BOP1: variants seen among roughly 807,000 people sequenced by gnomAD.
The protein encoded by BOP1 is BOP1 ribosomal biogenesis factor.
A neutral mutation model predicts 82.9 loss-of-function variants in BOP1; 54 were observed. The ratio of observed to expected loss-of-function variants is 0.65; its 90% CI spans 0.52 to 0.82. BOP1 has a LOEUF of 0.82. Among genes scored for constraint, BOP1 ranks in the 40% least tolerant of loss-of-function variants. The pLI is 0.00. For synonymous variants in BOP1, 566 were observed against 451.1 expected, an observed-to-expected ratio of 1.25 and a Z score of -3.23; for missense variants, 1,170 against 1,072.0, an observed-to-expected ratio of 1.09 and a Z score of -1.28.
At chr8:144,283,624 CTTTTTA>C (rs1284901929) in intron 2 of BOP1, among the ~76,000 whole-genome samples, 3 of 151,934 alleles carry the variant, frequency 2.0e-5, no homozygotes, top group African/African-American at 7.3e-5. Flanking sequence ...GTGACTCATT[CTTTTTA>C]TTTTTATTTT....
At chr8:144,273,087 G>C (rs1000294916) in intron 3 of BOP1, among the ~76,000 whole-genome samples, 3 of 152,124 alleles carry the variant, frequency 2.0e-5, no homozygotes, top group Non-Finnish European at 1.5e-5. Context: ...GGGGAGGGCC[G>C]TTCGCTCGCC....
At chr8:144,274,810 T>TCCCCCGG in intron 3 of BOP1, among the ~76,000 whole-genome samples, 1 of 152,032 alleles carries the variant, frequency 6.6e-6, no homozygotes, top group Non-Finnish European at 1.5e-5. Flanking sequence ...CCGAGGCCCC[T>TCCCCCGG]CCCCCGGCCT....
intron 2 of BOP1, among the ~76,000 whole-genome samples, chr8:144,278,582 T>G (rs1845611678): frequency 1.3e-5 from 2 of 152,322 alleles, no homozygotes; most frequent in African/African-American, 2.4e-5. Context: ...CTCCCAGGGC[T>G]GCCCACAAGA....
Position 144,262,255 on chromosome 8 carries a change from C to T in BOP1, c.2150G>A (p.Arg717Gln), listed in dbSNP as rs953826050. Reference sequence around the variant, plus strand: ...GATGACGTCCAGCACTCCCAGATCTCGGGTCAGCACGTGTCCCTTCAGCAC... The same window carrying T: ...GATGACGTCCAGCACTCCCAGATCTTGGGTCAGCACGTGTCCCTTCAGCAC... ...VKVLKGHVLT[R>Q]DLGVLDVIFH... Residue 717 changes from arginine (R) to glutamine (Q), a missense_variant, in exon 16 of 16, where the codon CGA (arginine) becomes CAA (glutamine). Arg to Gln is a conservative substitution (Grantham distance 43). Transcript: ENST00000569669. 1.6e-4 allele frequency: 257 copies of T among 1,612,620 alleles called. No individual in the cohort carries two copies. The highest frequency in any genetic ancestry group is 3.2e-4 in the Admixed American group (19 of 59,954).
chr8:144,266,462 C>T (rs1845366468), intron 3 of BOP1: 1 of 972,386 alleles, frequency 1.0e-6, no homozygotes, highest in Non-Finnish European at 1.2e-6. Flanking sequence ...CGGCCCGGGA[C>T]GCACATGTGC....
chr8:144,287,045 T>C (rs1469933108), intron 2 of BOP1, among the ~76,000 whole-genome samples: 1 of 152,278 alleles, frequency 6.6e-6, no homozygotes, highest in Non-Finnish European at 1.5e-5. Context: ...AGCCTCACTC[T>C]GTCACCCAGA....
intron 3 of BOP1, chr8:144,266,474 C>T (rs1845366913): frequency 3.1e-6 from 3 of 982,702 alleles, no homozygotes; most frequent in Non-Finnish European, 2.4e-6. Flanking sequence ...CACATGTGCG[C>T]GCGACGCCCG....
At chr8:144,286,725 G>A (rs985495395) in intron 2 of BOP1, among the ~76,000 whole-genome samples, 6 of 152,216 alleles carry the variant, frequency 3.9e-5, no homozygotes, top group Admixed American at 6.5e-5. Context: ...TCTGAGGACC[G>A]CCCCACCAGC....
In BOP1 at chr8:144,263,013, G is replaced by A. The variant is rs1845261628; in HGVS notation, c.1734C>T (p.Ser578=). Residue 578 remains serine, a synonymous_variant, in exon 13 of 16, where the codon AGC becomes AGT. Coordinates refer to ENST00000569669, the MANE Select transcript of BOP1 (RefSeq NM_015201.5). Reference sequence around the variant, plus strand: ...AGGCCACTCGCTGCACCTGTCCGTGGCTGCGGCGGAACGGACTCTGGCTGC... The same window carrying A: ...AGGCCACTCGCTGCACCTGTCCGTGACTGCGGCGGAACGGACTCTGGCTGC... ...RRRSQSPFRR[S]HGQVQRVAFH... 6.4e-7 allele frequency: 1 copy of A among 1,560,750 alleles called. No homozygotes were observed. The highest frequency in any genetic ancestry group is 8.6e-7 in the Non-Finnish European group (1 of 1,161,346).
chr8:144,276,126 A>G (rs1845564566), intron 3 of BOP1, 98 bp downstream of exon 3: 2 of 1,434,242 alleles, frequency 1.4e-6, no homozygotes, highest in Admixed American at 1.7e-5. Flanking sequence ...GGCAGGTCCC[A>G]GCACCCCCAG....
At chr8:144,276,821 T>G (rs1845574198) in intron 2 of BOP1, among the ~76,000 whole-genome samples, 1 of 151,990 alleles carries the variant, frequency 6.6e-6, no homozygotes, top group African/African-American at 2.4e-5. Context: ...GGACACACAT[T>G]GTCCACCCAT....
chr8:144,275,112 G>T (rs1029327384), intron 3 of BOP1, among the ~76,000 whole-genome samples: 23 of 152,244 alleles, frequency 1.5e-4, no homozygotes, highest in African/African-American at 5.3e-4. Flanking sequence ...GAACCTGGGG[G>T]GAGGGGGGCG....
intron 3 of BOP1, chr8:144,267,265 C>T: frequency 1.1e-5 from 15 of 1,395,568 alleles, no homozygotes; most frequent in Non-Finnish European, 1.4e-5. Flanking sequence ...CGAGGCCACA[C>T]GGGCAGGGCT....
chr8:144,276,656 C>A lies in BOP1; in HGVS notation c.310-352G>T, dbSNP rs1845571583. On this transcript the variant is annotated intron_variant, in intron 2 of 15. Coordinates refer to ENST00000569669, the MANE Select transcript of BOP1 (RefSeq NM_015201.5). ...AAGACCCACCGCCAACCACCCGTAC[C>A]CCCATTCATGTCAAAGCCACAGGAC... Among the ~76,000 whole-genome samples the A allele has an allele frequency of 2.6e-5, 4 of 152,332 alleles. No homozygotes were observed. The East Asian group carries it at 5.8e-4, about 22-fold the overall frequency.
intron 2 of BOP1, among the ~76,000 whole-genome samples, chr8:144,283,201 C>CAAAAAAAAAAAAAAAAAAAAAAAAAAAAA (rs60868806): frequency 5.5e-5 from 3 of 54,344 alleles, no homozygotes; most frequent in Non-Finnish European, 5.6e-5. Flanking sequence ...AACTCCATCT[C>CAAAAAAAAAAAAAAAAAAAAAAAAAAAAA]AAAAAAAAAA....
At chr8:144,265,449 A>C in intron 3 of BOP1, 1 of 333,036 alleles carries the variant, frequency 3.0e-6, no homozygotes, top group East Asian at 6.5e-5. Flanking sequence ...GGGCAGCTAT[A>C]AGACGGGGAC....
At chr8:144,286,794 G>A (rs1247505944) in intron 2 of BOP1, among the ~76,000 whole-genome samples, 1 of 152,202 alleles carries the variant, frequency 6.6e-6, no homozygotes, top group Non-Finnish European at 1.5e-5. Flanking sequence ...ACCACAGACA[G>A]CGGTACTTTG....
chr8:144,268,266 C>T, intron 3 of BOP1: 1 of 1,418,236 alleles, frequency 7.1e-7, no homozygotes, highest in Non-Finnish European at 9.6e-7. Context: ...GCCCCCAGGC[C>T]AGCCCTGGCT....
Position 144,263,307 on chromosome 8 carries a change from C to G in BOP1, c.1519G>C (p.Glu507Gln). Residue 507 changes from glutamate to glutamine, a missense_variant, in exon 12 of 16, where the codon GAG becomes CAG. Physicochemically the swap from Glu to Gln is conservative, Grantham distance 29 (BLOSUM62 2). Coordinates refer to ENST00000569669, the MANE Select transcript of BOP1 (RefSeq NM_015201.5). The part of the protein sequence containing the change: ...QLLSAFVPPE[E>Q]PPLQPARWLE... ...CAGCGGGCCGGCTGCAAGGGGGGCT[C>G]CTCAGGCGGGACGAAGGCGCTCAAC... 2 of 1,594,206 alleles carry G rather than the reference C, an allele frequency of 1.3e-6. No individual in the cohort carries two copies.
Sources: gnomAD v4.1 joint callset for allele counts (sites outside exome capture counted in the v4.1 genomes callset) on GRCh38, gnomAD v4.1.1 for gene constraint, MANE v1.5 for transcripts, NCBI Gene and HGNC (gene_info 2026-07-23, HGNC 2026-07-21) for gene names.